The following GPC3 variants were observed in gnomAD, a reference collection of about 807,000 sequenced individuals.
GPC3 encodes glypican-3.
A neutral mutation model predicts 34.4 loss-of-function variants in GPC3; 3 were observed. The observed-to-expected ratio is 0.09, with a 90% CI of 0.04 to 0.23. GPC3 has a LOEUF of 0.23. GPC3 is among the 10% of genes least tolerant of loss of function. The pLI is 1.00. For missense variants in GPC3, 351 were observed against 445.6 expected, an observed-to-expected ratio of 0.79 and a Z score of 1.91; for synonymous variants, 177 against 174.0, an observed-to-expected ratio of 1.02 and a Z score of -0.13.
At chrX:133,795,776 C>A (rs938201509) in intron 2 of GPC3, among the ~76,000 whole-genome samples, 1 of 104,774 alleles carries the variant, frequency 9.5e-6, no homozygotes, top group Admixed American at 1.0e-4. Flanking sequence ...GTGGACTGGC[C>A]CTCTCATAAG....
At chrX:133,975,615 C>T (rs1486309580) in intron 1 of GPC3, among the ~76,000 whole-genome samples, 2 of 111,624 alleles carry the variant, frequency 1.8e-5, no homozygotes, top group Admixed American at 1.9e-4. Flanking sequence ...AGTCATGCTG[C>T]CTTGGCATCT....
At chrX:133,854,839 G>A (rs1019616255) in intron 2 of GPC3, among the ~76,000 whole-genome samples, 6 of 111,842 alleles carry the variant, frequency 5.4e-5, no homozygotes, top group Admixed American at 1.9e-4. Context: ...ACTATGGTGC[G>A]TCCATAAGAA....
At chrX:133,827,137 G>T (rs974222314) in intron 2 of GPC3, among the ~76,000 whole-genome samples, 1 of 111,348 alleles carries the variant, frequency 9.0e-6, no homozygotes, top group East Asian at 2.8e-4. Flanking sequence ...AAAGATGAAG[G>T]GGAAATCAAG....
chrX:133,819,949 C>T (rs2075711082), intron 2 of GPC3, among the ~76,000 whole-genome samples: 1 of 112,052 alleles, frequency 8.9e-6, no homozygotes, highest in Non-Finnish European at 1.9e-5. Context: ...CTTACCATTA[C>T]TTCAATCACA....
At chrX:133,669,691 T>C (rs1401138552) in intron 5 of GPC3, among the ~76,000 whole-genome samples, 1 of 112,323 alleles carries the variant, frequency 8.9e-6, no homozygotes, top group Admixed American at 9.4e-5. Flanking sequence ...AAAATGCTGC[T>C]TCTCTACTGA....
Position 133,753,512 on chromosome X carries a change from G to A in GPC3, c.1002C>T (p.Val334=), listed in dbSNP as rs747775536. ...FSTIHDSIQY[V]QKNAGKLTTT... is the part of the protein sequence containing the mutation. Reference sequence around the variant, plus strand: ...TGGTCAGCTTTCCTGCATTCTTCTGGACATACTGGATAGAATCATGGATTG... The same window carrying A: ...TGGTCAGCTTTCCTGCATTCTTCTGAACATACTGGATAGAATCATGGATTG... Residue 334 remains valine (V), a synonymous_variant, in exon 3 of 8, where the codon GTC becomes GTT. Transcript: ENST00000370818. 9 of 1,207,791 alleles carry A rather than the reference G, an allele frequency of 7.5e-6. No individual in the cohort carries two copies. The East Asian group carries it at 1.8e-4, about 24-fold the overall frequency.
chrX:133,980,190 T>C (rs878874518), intron 1 of GPC3, among the ~76,000 whole-genome samples: 1 of 112,234 alleles, frequency 8.9e-6, no homozygotes, highest in Non-Finnish European at 1.9e-5. Context: ...TTCAATTTGT[T>C]ATTTGGGTAC....
intron 2 of GPC3, among the ~76,000 whole-genome samples, chrX:133,871,372 T>C (rs1283279938): frequency 8.9e-6 from 1 of 111,982 alleles, no homozygotes; most frequent in Non-Finnish European, 1.9e-5. Flanking sequence ...CCTCAATGTT[T>C]CTTACATCGA....
intron 2 of GPC3, among the ~76,000 whole-genome samples, chrX:133,876,277 C>T (rs1011886384): frequency 4.5e-5 from 5 of 111,791 alleles, no homozygotes; most frequent in East Asian, 2.8e-4. Flanking sequence ...AGAATACGGA[C>T]GCTGTTAACA....
At chrX:133,543,110 G>C (rs1057063723) in intron 7 of GPC3, among the ~76,000 whole-genome samples, 1 of 111,113 alleles carries the variant, frequency 9.0e-6, no homozygotes, top group African/African-American at 3.3e-5. Flanking sequence ...TTTTGGGAAT[G>C]GGCTCATTTA....
chrX:133,702,896 T>G (rs2071179229), intron 3 of GPC3, among the ~76,000 whole-genome samples: 1 of 112,124 alleles, frequency 8.9e-6, no homozygotes, highest in Non-Finnish European at 1.9e-5. Flanking sequence ...TCAAATATAT[T>G]CCCTCCTTTG....
At chrX:133,827,342 G>A (rs1055424438) in intron 2 of GPC3, among the ~76,000 whole-genome samples, 5 of 112,064 alleles carry the variant, frequency 4.5e-5, no homozygotes, top group Non-Finnish European at 9.4e-5. Flanking sequence ...TAGTTTTTGC[G>A]TGTAACCCCT....
intron 2 of GPC3, among the ~76,000 whole-genome samples, chrX:133,850,194 G>GGTTTT (rs2075866454): frequency 1.5e-5 from 1 of 68,008 alleles, no homozygotes; most frequent in Non-Finnish European, 2.8e-5. Flanking sequence ...TTTGGGTTTT[G>GGTTTT]TTTTTTTTTT....
Position 133,692,513 on chromosome X carries a change from A to G in GPC3, c.1167-19T>C. The G allele has an allele frequency of 1.7e-6, 2 of 1,192,768 alleles. No homozygotes were observed. The highest frequency in any genetic ancestry group is 2.3e-6 in the Non-Finnish European group (2 of 878,366). On this transcript the variant is annotated intron_variant, in intron 4 of 7. Transcript: ENST00000370818. ...TAGTTCCCTAAAAGAAAAACAAAAC[A>G]TCTGTGCATAAGAGGCAAGTAAACT... is the stretch of plus-strand genomic sequence containing the variant.
intron 3 of GPC3, among the ~76,000 whole-genome samples, chrX:133,732,206 A>G (rs981839951): frequency 8.9e-6 from 1 of 111,812 alleles, no homozygotes; most frequent in African/African-American, 3.3e-5. Context: ...ACATGAGATC[A>G]GGGACCCAAT....
intron 5 of GPC3, among the ~76,000 whole-genome samples, chrX:133,680,281 G>A (rs2124419086): frequency 8.9e-6 from 1 of 111,949 alleles, no homozygotes; most frequent in Admixed American, 9.5e-5. Flanking sequence ...CCCAACTGCT[G>A]TATCCCTACC....
intron 2 of GPC3, among the ~76,000 whole-genome samples, chrX:133,791,847 T>TC (rs2072166430): frequency 1.6e-5 from 1 of 63,872 alleles, no homozygotes; most frequent in African/African-American, 6.3e-5. Flanking sequence ...CTTCCTTCCT[T>TC]CCTCCCTCCC....
chrX:133,916,737 A>G (rs1289663948), intron 2 of GPC3, among the ~76,000 whole-genome samples: 1 of 111,200 alleles, frequency 9.0e-6, no homozygotes, highest in Non-Finnish European at 1.9e-5. Context: ...TATTTAGCCA[A>G]GTGTGATGGC....
chrX:133,592,931 C>A (rs2069867055), intron 7 of GPC3, among the ~76,000 whole-genome samples: 1 of 111,485 alleles, frequency 9.0e-6, no homozygotes, highest in South Asian at 3.8e-4. Context: ...ATTTGTCCTA[C>A]CCCAAGACCT....
Sources: gnomAD v4.1 joint callset for allele counts (sites outside exome capture counted in the v4.1 genomes callset) on GRCh38, gnomAD v4.1.1 for gene constraint, MANE v1.5 for transcripts, NCBI Gene and HGNC (gene_info 2026-07-23, HGNC 2026-07-21) for gene names.